Variants in SGCD observed in about 807,000 individuals in gnomAD.
SGCD encodes sarcoglycan delta, also known as delta-sarcoglycan.
A neutral mutation model predicts 36.6 loss-of-function variants in SGCD; 18 were observed. The ratio of observed to expected loss-of-function variants is 0.49; its 90% CI spans 0.34 to 0.73. The LOEUF (loss-of-function observed/expected upper bound fraction) is 0.73. SGCD is among the 30% of genes least tolerant of loss of function. SGCD has a pLI of 0.01. For missense variants in SGCD, 387 were observed against 346.7 expected (o/e 1.12, Z -0.92); for synonymous variants, 133 against 130.6 (o/e 1.02, Z -0.12).
At chr5:156,607,180 G>T (rs896312685) in intron 6 of SGCD, among the ~76,000 whole-genome samples, 1 of 152,114 alleles carries the variant, frequency 6.6e-6, no homozygotes, top group Admixed American at 6.5e-5. Context: ...TTGGCTGTGG[G>T]TTTGTCATAG....
intron 6 of SGCD, among the ~76,000 whole-genome samples, chr5:156,595,926 T>G (rs888842): frequency 1.3e-5 from 2 of 151,968 alleles, no homozygotes; most frequent in African/African-American, 4.8e-5. Context: ...TATGGCTGTA[T>G]GCTGAAATGA....
At chr5:156,208,906 C>A (rs778097510) in intron 3 of SGCD, among the ~76,000 whole-genome samples, 2 of 151,942 alleles carry the variant, frequency 1.3e-5, no homozygotes, top group Non-Finnish European at 2.9e-5. Flanking sequence ...ACATGTAGCA[C>A]AAAAATAAGA....
intron 1 of SGCD, among the ~76,000 whole-genome samples, chr5:156,041,307 ACTTCGGTCCAGTTC>A (rs1295413529): frequency 1.7e-4 from 26 of 152,222 alleles, no homozygotes; most frequent in Non-Finnish European, 2.9e-4. Context: ...ATTGCCTTGT[ACTTCGGTCCAGTTC>A]CTTCCTTACT....
At chr5:156,300,072 T>A (rs1765870064) in intron 3 of SGCD, among the ~76,000 whole-genome samples, 1 of 152,098 alleles carries the variant, frequency 6.6e-6, no homozygotes, top group Non-Finnish European at 1.5e-5. Flanking sequence ...TGTGGGTCTG[T>A]CGTATATGTC....
At chr5:156,481,975 C>T (rs1329663782) in intron 3 of SGCD, among the ~76,000 whole-genome samples, 3 of 152,274 alleles carry the variant, frequency 2.0e-5, no homozygotes, top group Admixed American at 6.5e-5. Flanking sequence ...CAGGAATCAG[C>T]GGGACCCACA....
At chr5:156,389,773 G>GT (rs1457558730) in intron 3 of SGCD, among the ~76,000 whole-genome samples, 1 of 152,174 alleles carries the variant, frequency 6.6e-6, no homozygotes, top group Non-Finnish European at 1.5e-5. Context: ...AGAACAAAGA[G>GT]TCTGAATCCA....
chr5:156,695,378 C>G (rs1283161396), intron 7 of SGCD, among the ~76,000 whole-genome samples: 1 of 152,096 alleles, frequency 6.6e-6, no homozygotes, highest in Non-Finnish European at 1.5e-5. Context: ...CTGCCAAAAA[C>G]TGCCTTCCAA....
At chr5:156,618,087 T>C (rs1322238886) in intron 6 of SGCD, among the ~76,000 whole-genome samples, 1 of 152,160 alleles carries the variant, frequency 6.6e-6, no homozygotes, top group Admixed American at 6.5e-5. Context: ...ATTTCATCAG[T>C]ACGCAGAAGG....
chr5:155,969,880 C>T (rs763047615), intron 1 of SGCD, among the ~76,000 whole-genome samples: 4 of 152,004 alleles, frequency 2.6e-5, no homozygotes, highest in Non-Finnish European at 2.9e-5. Flanking sequence ...CTCTGCTAAT[C>T]GTTCGACAAA....
intron 6 of SGCD, among the ~76,000 whole-genome samples, chr5:156,612,724 G>A (rs559074904): frequency 6.6e-6 from 1 of 152,330 alleles, no homozygotes; most frequent in South Asian, 2.1e-4. Flanking sequence ...CAGTGTGTCA[G>A]AAATGGAGAG....
intron 1 of SGCD, among the ~76,000 whole-genome samples, chr5:156,004,342 A>T (rs1561679483): frequency 6.6e-6 from 1 of 152,348 alleles, no homozygotes; most frequent in East Asian, 1.9e-4. Flanking sequence ...CTAGTTGTAG[A>T]AATAATAATA....
intron 1 of SGCD, among the ~76,000 whole-genome samples, chr5:155,887,361 C>T (rs774528304): frequency 3.3e-5 from 5 of 152,230 alleles, no homozygotes; most frequent in Non-Finnish European, 5.9e-5. Context: ...AACATGCCTA[C>T]ATTTCCAACT....
chr5:156,163,354 G>A (rs921125943), intron 3 of SGCD, among the ~76,000 whole-genome samples: 2 of 151,470 alleles, frequency 1.3e-5, no homozygotes, highest in African/African-American at 2.4e-5. Flanking sequence ...GTTTCCGTAG[G>A]AGCCCATCAG....
intron 1 of SGCD, among the ~76,000 whole-genome samples, chr5:156,054,580 C>T (rs887086775): frequency 2.0e-5 from 3 of 146,636 alleles, no homozygotes; most frequent in Admixed American, 6.8e-5. Flanking sequence ...CCACCGCGCC[C>T]GGCCCCTAAA....
intron 3 of SGCD, among the ~76,000 whole-genome samples, chr5:156,355,670 T>C (rs759813998): frequency 8.5e-5 from 13 of 152,212 alleles, no homozygotes; most frequent in Non-Finnish European, 1.9e-4. Flanking sequence ...AGAGTCTGAC[T>C]GTGTTGCCTA....
At chr5:156,652,850 GATC>G (rs1168069402) in intron 7 of SGCD, among the ~76,000 whole-genome samples, 2 of 152,012 alleles carry the variant, frequency 1.3e-5, no homozygotes, top group Non-Finnish European at 2.9e-5. Flanking sequence ...CTCTTGAGAT[GATC>G]ATATGGTTTT....
rs193248901 is a variant in SGCD, at chr5:155,924,027, A to G, written c.-282+53603A>G. On this transcript the variant is annotated intron_variant, in intron 1 of 9. Transcript: ENST00000517913. ...TGTCTCACATTGCAGGGAAAGAGCA[A>G]GGCAGTGTAGATGATGAATACAGTG... Among the ~76,000 whole-genome samples the G allele has an allele frequency of 1.0e-3, 156 of 152,230 alleles. 1 individual carries two copies. The highest frequency in any genetic ancestry group is 3.7e-3 in the African/African-American group (152 of 41,564).
chr5:156,426,346 T>TA (rs1380760203), intron 3 of SGCD, among the ~76,000 whole-genome samples: 1 of 152,136 alleles, frequency 6.6e-6, no homozygotes, highest in African/African-American at 2.4e-5. Flanking sequence ...GAGCATTTTT[T>TA]ATGTTCATTG....
intron 1 of SGCD, among the ~76,000 whole-genome samples, chr5:155,939,535 C>T (rs1276859802): frequency 6.6e-6 from 1 of 150,678 alleles, no homozygotes; most frequent in African/African-American, 2.4e-5. Context: ...TCCCAGCTAC[C>T]CAGGAAGGCT....
Sources: gnomAD v4.1 joint callset for allele counts (sites outside exome capture counted in the v4.1 genomes callset) on GRCh38, gnomAD v4.1.1 for gene constraint, MANE v1.5 for transcripts, NCBI Gene and HGNC (gene_info 2026-07-23, HGNC 2026-07-21) for gene names.